The following GPI variants were observed in gnomAD, a reference collection of about 807,000 sequenced individuals.
GPI encodes the protein D-hexose-6-phosphate anomerase.
In GPI, 56 loss-of-function variants were observed where a neutral mutation model predicts 75.8. The ratio of observed to expected loss-of-function variants is 0.74; its 90% CI spans 0.60 to 0.92. The LOEUF is 0.92. Ranked by LOEUF, GPI falls within the 40% of genes least tolerant of loss-of-function variation. The probability of loss-of-function intolerance (pLI) is 0.00; values close to 1 mark genes in which losing one functional copy is unlikely to be tolerated. For synonymous variants in GPI, 288 were observed against 285.4 expected (o/e 1.01, Z -0.09); for missense variants, 638 against 741.0 (o/e 0.86, Z 1.61).
Position 34,378,114 on chromosome 19 carries a change from C to T in GPI, c.633+233C>T, listed in dbSNP as rs3815930. Among the ~76,000 whole-genome samples the T allele has an allele frequency of 3.3e-5, 5 of 152,346 alleles. No homozygotes were observed. The East Asian group carries it at 9.6e-4, about 29-fold the overall frequency. ...TTTGAACCTTTGTGTCCTGACCACA[C>T]CCGCTCGCCTTGCGGCATCTCTGCT... is the stretch of plus-strand genomic sequence containing the variant. On this transcript the variant is annotated intron_variant, in intron 6 of 17. Coordinates refer to ENST00000356487, the MANE Select transcript of GPI (RefSeq NM_000175.5).
intron 12 of GPI, among the ~76,000 whole-genome samples, chr19:34,395,495 T>TAGC (rs1568348593): frequency 6.6e-6 from 1 of 152,158 alleles, no homozygotes; most frequent in Non-Finnish European, 1.5e-5. Context: ...TGAGCAATGA[T>TAGC]TCTACCACTG....
At position 34,393,883 on chromosome 19, in the gene GPI, T is replaced by C. The variant is rs1424677649; in HGVS notation, c.910-31T>C. On this transcript the variant is annotated intron_variant, in intron 11 of 17. Transcript: ENST00000356487. This position sits in a 1 kb window ranked among gnomAD's most constrained non-coding sequence, Gnocchi z 4.4. ...GTCCCTCCCCTCCCCGTGCAGCTGC[T>C]CAGCTCCCACTCATCCTGCTCCTGT... 1.9e-6 allele frequency: 3 copies of C among 1,612,544 alleles called. No individual in the cohort carries two copies. The highest frequency in any genetic ancestry group is 1.6e-4 in the Middle Eastern group (1 of 6,082).
Position 34,393,412 on chromosome 19 carries a change from C to A in GPI, c.865+104C>A. On this transcript the variant is annotated intron_variant, in intron 10 of 17. Coordinates refer to ENST00000356487, the MANE Select transcript of GPI (RefSeq NM_000175.5). The surrounding 1 kb of genome is among the most constrained non-coding windows in gnomAD (Gnocchi z 4.4). Reference sequence around the variant, plus strand: ...CTGAACATCATGCTGTCCTCACAGGCTGCTGGCCTCTCTGCAGCTGGCTGG... The same window carrying A: ...CTGAACATCATGCTGTCCTCACAGGATGCTGGCCTCTCTGCAGCTGGCTGG... 1 of 918,854 alleles carries A rather than the reference C, an allele frequency of 1.1e-6. No homozygotes were observed. The allele number at this position is 918,854 out of a possible 1,614,324, so 56.9% of individuals were successfully genotyped here.
At chr19:34,370,120 G>T (rs1381426294) in intron 4 of GPI, among the ~76,000 whole-genome samples, 1 of 152,200 alleles carries the variant, frequency 6.6e-6, no homozygotes, top group Non-Finnish European at 1.5e-5. Flanking sequence ...GACAGTGCAT[G>T]TAACATGCCT....
At chr19:34,373,498 A>G (rs1388883465) in intron 4 of GPI, among the ~76,000 whole-genome samples, 3 of 150,020 alleles carry the variant, frequency 2.0e-5, no homozygotes, top group Non-Finnish European at 3.0e-5. Context: ...TGGAGGTTTC[A>G]GTAAGCTGAG....
intron 4 of GPI, among the ~76,000 whole-genome samples, chr19:34,371,736 T>G (rs2074456113): frequency 6.6e-6 from 1 of 151,312 alleles, no homozygotes; most frequent in Non-Finnish European, 1.5e-5. Flanking sequence ...ATGCCTGTAG[T>G]CCCAGCTACT....
chr19:34,380,006 T>G (rs930826814), intron 8 of GPI: 4 of 212,830 alleles, frequency 1.9e-5, no homozygotes, highest in African/African-American at 7.6e-5. Flanking sequence ...TTTTTTTTTT[T>G]TTTTTTTTTT....
chr19:34,388,374 CT>C (rs1279592157), intron 9 of GPI, among the ~76,000 whole-genome samples: 3 of 152,126 alleles, frequency 2.0e-5, no homozygotes, highest in African/African-American at 7.2e-5. Context: ...ACTCAGGAGG[CT>C]GAGGCAGGAG....
Position 34,393,165 on chromosome 19 carries a change from A to G in GPI, c.805-83A>G. The G allele has an allele frequency of 1.8e-6, 2 of 1,122,592 alleles. No individual in the cohort carries two copies. Among genetic ancestry groups the G allele is most frequent in the Non-Finnish European group, 2.7e-6 (2 of 733,560 alleles). 69.5% of individuals were successfully genotyped at this position (1,122,592 alleles called of 1,614,324 possible). On this transcript the variant is annotated intron_variant, in intron 9 of 17. Transcript: ENST00000356487. This position sits in a 1 kb window ranked among gnomAD's most constrained non-coding sequence, Gnocchi z 4.4. ...AGGGCCCTCCGAGACGCCCCTGTGC[A>G]AGACCAGGGACAGGGTTTCCGGCAG...
At chr19:34,364,278 C>G (rs2074322159), upstream of GPI, among the ~76,000 whole-genome samples, 2 of 152,126 alleles carry the variant, frequency 1.3e-5, no homozygotes, top group African/African-American at 4.8e-5. Flanking sequence ...ATCCCACCTC[C>G]CAAAGTGCTG....
intron 14 of GPI, among the ~76,000 whole-genome samples, chr19:34,396,986 G>A (rs2074955746): frequency 6.6e-6 from 1 of 152,120 alleles, no homozygotes; most frequent in African/African-American, 2.4e-5. Flanking sequence ...AATTTTTGTA[G>A]TTTTGGTAAA....
intron 6 of GPI, 72 bp from the exon 7 acceptor site, chr19:34,378,862 T>C: frequency 8.7e-7 from 1 of 1,142,894 alleles, no homozygotes; most frequent in Admixed American, 1.7e-5. Context: ...TGGCCTCTAC[T>C]GCTGAACCCT....
upstream of GPI, among the ~76,000 whole-genome samples, chr19:34,361,449 T>C (rs1315562283): frequency 6.6e-6 from 1 of 152,100 alleles, no homozygotes; most frequent in African/African-American, 2.4e-5. Context: ...GTATCCTTCA[T>C]AGGACTGCCA....
intron 4 of GPI, among the ~76,000 whole-genome samples, chr19:34,377,007 A>T (rs929638680): frequency 1.3e-5 from 2 of 151,766 alleles, no homozygotes; most frequent in Non-Finnish European, 2.9e-5. Flanking sequence ...TCAAAAAAAA[A>T]ATTAAAAATA....
chr19:34,364,052 C>A (rs748964967), upstream of GPI, among the ~76,000 whole-genome samples: 1 of 151,928 alleles, frequency 6.6e-6, no homozygotes, highest in Non-Finnish European at 1.5e-5. Flanking sequence ...TTTTTTAAGA[C>A]AAGGTGTTGC....
At chr19:34,366,206 A>G (rs745436439) in intron 1 of GPI, 139 bp from the exon 2 acceptor site, 1 of 726,910 alleles carries the variant, frequency 1.4e-6, no homozygotes, top group African/African-American at 1.7e-5. Context: ...GACAGACACC[A>G]CCACTGTGCT....
intron 4 of GPI, among the ~76,000 whole-genome samples, chr19:34,372,555 T>C (rs996304169): frequency 5.3e-5 from 8 of 152,128 alleles, no homozygotes; most frequent in Non-Finnish European, 1.0e-4. Flanking sequence ...GGCGGGAGAA[T>C]TGCTTGAGCC....
chr19:34,363,698 T>C (rs2074316541), upstream of GPI, among the ~76,000 whole-genome samples: 2 of 152,202 alleles, frequency 1.3e-5, no homozygotes, highest in Non-Finnish European at 2.9e-5. Context: ...CGTGCGCCTG[T>C]AGTCCCAGCT....
chr19:34,391,864 A>T (rs540375830), intron 9 of GPI, among the ~76,000 whole-genome samples: 4 of 1,704 alleles, frequency 2.3e-3, no homozygotes, highest in African/African-American at 5.7e-3. Flanking sequence ...TGGCATAAGC[A>T]TGAGGATCTG....
Sources: allele counts gnomAD v4.1 joint callset (sites outside exome capture counted in the v4.1 genomes callset), GRCh38; gene constraint gnomAD v4.1.1; non-coding constraint Gnocchi (gnomAD v3.1); transcripts MANE v1.5; gene names NCBI Gene and HGNC (gene_info 2026-07-23, HGNC 2026-07-21).